Variants in TENM1 observed in about 807,000 individuals in gnomAD.
TENM1 encodes teneurin transmembrane protein 1, also known as teneurin-1.
In TENM1, 35 loss-of-function variants were observed where a neutral mutation model predicts 174.8. The ratio of observed to expected loss-of-function variants is 0.20; its 90% CI spans 0.15 to 0.27. The LOEUF is 0.27. TENM1 is among the 10% of genes least tolerant of loss of function. The pLI is 1.00. For missense variants in TENM1, 1,633 were observed against 2,130.1 expected (o/e 0.77, Z 4.59); for synonymous variants, 781 against 798.7 (o/e 0.98, Z 0.37).
intron 25 of TENM1, among the ~76,000 whole-genome samples, chrX:124,408,423 C>A (rs1362908409): frequency 8.9e-6 from 1 of 111,749 alleles, no homozygotes; most frequent in African/African-American, 3.3e-5. Flanking sequence ...GTATTACAGG[C>A]GTGAGCCACC....
the TENM1 span, among the ~76,000 whole-genome samples, chrX:125,082,810 T>C: frequency 9.0e-6 from 1 of 111,187 alleles, no homozygotes; most frequent in African/African-American, 3.3e-5. Flanking sequence ...TGTGTGTACA[T>C]AGTAGTTGTA....
chrX:125,085,590 AAT>A, the TENM1 span, among the ~76,000 whole-genome samples: 1 of 111,492 alleles, frequency 9.0e-6, no homozygotes, highest in Admixed American at 9.6e-5. Flanking sequence ...AATATTTGTG[AAT>A]ATGATTGTCC....
At chrX:124,453,582 G>T (rs1204226484) in intron 22 of TENM1, 91 bp from the exon 26 acceptor site, 1 of 897,345 alleles carries the variant, frequency 1.1e-6, no homozygotes, top group Non-Finnish European at 1.5e-6. Flanking sequence ...GCAATGGAAA[G>T]GCATTTTAAA....
At chrX:124,408,774 T>C (rs1240837874) in intron 25 of TENM1, among the ~76,000 whole-genome samples, 15 of 103,316 alleles carry the variant, frequency 1.5e-4, no homozygotes, top group Non-Finnish European at 2.4e-4. Context: ...ACCCGTTAAC[T>C]CGTCATTTAA....
intron 3 of TENM1, among the ~76,000 whole-genome samples, chrX:124,838,934 T>C (rs1569460563): frequency 9.0e-6 from 1 of 111,449 alleles, no homozygotes; most frequent in Non-Finnish European, 1.9e-5. Flanking sequence ...AAAAACCGAA[T>C]TCCACTTCCA....
intron 3 of TENM1, among the ~76,000 whole-genome samples, chrX:124,781,222 A>G (rs2054903014): frequency 8.9e-6 from 1 of 111,887 alleles, no homozygotes; most frequent in Admixed American, 9.5e-5. Context: ...CAGTACAGTT[A>G]TCTAAGCACA....
chrX:124,945,812 TC>T (rs2058394126), intron 1 of TENM1, among the ~76,000 whole-genome samples: 4 of 110,519 alleles, frequency 3.6e-5, no homozygotes, highest in Admixed American at 1.9e-4. Flanking sequence ...TGGAAAGTGA[TC>T]CCCAAAATAA....
chrX:124,694,511 C>T (rs994959409), intron 5 of TENM1, among the ~76,000 whole-genome samples: 10 of 111,567 alleles, frequency 9.0e-5, no homozygotes, highest in African/African-American at 2.9e-4. Context: ...ATTTGAATTT[C>T]TTTTTGAATA....
chrX:124,819,800 CTT>C (rs201506826), intron 3 of TENM1, among the ~76,000 whole-genome samples: 4 of 102,438 alleles, frequency 3.9e-5, no homozygotes, highest in African/African-American at 3.5e-5. Flanking sequence ...CTTTCCTTTC[CTT>C]TTTTTTTTTT....
At chrX:125,141,199 T>TA in the TENM1 span, among the ~76,000 whole-genome samples, 1 of 111,568 alleles carries the variant, frequency 9.0e-6, no homozygotes, top group Non-Finnish European at 1.9e-5. Flanking sequence ...ACATTAAACT[T>TA]AGAGATATGG....
chrX:124,921,581 C>T (rs763141376), intron 1 of TENM1, among the ~76,000 whole-genome samples: 33 of 111,501 alleles, frequency 3.0e-4, no homozygotes, highest in African/African-American at 1.1e-3. Context: ...GCTGGACATC[C>T]AAGTTGCTTC....
At chrX:124,859,592 T>C (rs1282445306) in intron 3 of TENM1, among the ~76,000 whole-genome samples, 1 of 110,072 alleles carries the variant, frequency 9.1e-6, no homozygotes, top group African/African-American at 3.3e-5. Context: ...TTCTTTATTA[T>C]CCTGATGATA....
At chrX:124,977,965 TGTGA>T in the TENM1 span, among the ~76,000 whole-genome samples, 61 of 14,624 alleles carry the variant, frequency 4.2e-3, no homozygotes, top group East Asian at 0.016. Context: ...TGTGTGTGTG[TGTGA>T]GAGAGAGAGA....
chrX:124,718,877 C>A (rs893799694), intron 4 of TENM1, among the ~76,000 whole-genome samples: 5 of 111,876 alleles, frequency 4.5e-5, no homozygotes, highest in Non-Finnish European at 7.5e-5. Context: ...AGGGGACCAA[C>A]TGGTCCATGG....
At chrX:124,553,089 T>C (rs1269608174) in intron 14 of TENM1, among the ~76,000 whole-genome samples, 2 of 111,655 alleles carry the variant, frequency 1.8e-5, no homozygotes, top group African/African-American at 3.3e-5. Flanking sequence ...AGATGGGGTA[T>C]CTATCCCCTC....
At chrX:125,135,230 T>A in the TENM1 span, among the ~76,000 whole-genome samples, 1 of 112,035 alleles carries the variant, frequency 8.9e-6, no homozygotes, top group Non-Finnish European at 1.9e-5. Flanking sequence ...GCTGAAGTTA[T>A]CTAATGCCCA....
At chrX:124,950,472 C>T (rs2058466166) in intron 1 of TENM1, among the ~76,000 whole-genome samples, 1 of 111,813 alleles carries the variant, frequency 8.9e-6, no homozygotes, top group African/African-American at 3.3e-5. Flanking sequence ...TACTGTCAAA[C>T]ACTAGAAAAT....
intron 23 of TENM1, among the ~76,000 whole-genome samples, chrX:124,444,733 G>C (rs1020694718): frequency 4.5e-5 from 5 of 110,840 alleles, no homozygotes; most frequent in Non-Finnish European, 7.6e-5. Context: ...TGAGTACTCA[G>C]AGCACATCTG....
chrX:124,392,927 G>A (rs1341018303), intron 27 of TENM1, among the ~76,000 whole-genome samples: 1 of 111,477 alleles, frequency 9.0e-6, no homozygotes, highest in African/African-American at 3.3e-5. Flanking sequence ...TACTTTCACG[G>A]AGGCCTGTAG....
Sources: gnomAD v4.1 joint callset for allele counts (sites outside exome capture counted in the v4.1 genomes callset) on GRCh38, gnomAD v4.1.1 for gene constraint, MANE v1.5 for transcripts, NCBI Gene and HGNC (gene_info 2026-07-23, HGNC 2026-07-21) for gene names.